The following NUDT3 variants were observed in gnomAD, a reference collection of about 807,000 sequenced individuals.
The protein encoded by NUDT3 is nudix hydrolase 3, also known as diphosphoinositol polyphosphate phosphohydrolase 1.
In NUDT3, 9 loss-of-function variants were observed where a neutral mutation model predicts 23.6. That is an observed-to-expected ratio of 0.38 (90% CI 0.23 to 0.66). NUDT3 has a LOEUF of 0.66. Among genes scored for constraint, NUDT3 ranks in the 30% least tolerant of loss-of-function variants. NUDT3 has a pLI of 0.52. For missense variants in NUDT3, 172 were observed against 218.5 expected (o/e 0.79, Z 1.34); for synonymous variants, 86 against 82.6 (o/e 1.04, Z -0.22).
intron 1 of NUDT3, among the ~76,000 whole-genome samples, chr6:34,372,810 A>AAT (rs1197313729): frequency 3.3e-5 from 5 of 151,752 alleles, no homozygotes; most frequent in Admixed American, 6.6e-5. Flanking sequence ...ATCTTTAAAA[A>AAT]ATATATATAT....
chr6:34,304,967 C>T (rs1237424762), intron 2 of NUDT3, among the ~76,000 whole-genome samples: 1 of 147,524 alleles, frequency 6.8e-6, no homozygotes, highest in East Asian at 2.0e-4. Context: ...CCACTGTGCC[C>T]GGTCTGAATT....
chr6:34,354,749 A>ATATTTATT (rs1554155667), intron 1 of NUDT3, among the ~76,000 whole-genome samples: 1 of 144,540 alleles, frequency 6.9e-6, no homozygotes, highest in African/African-American at 2.5e-5. Flanking sequence ...ATATATATAT[A>ATATTTATT]TATTTATTTA....
intron 2 of NUDT3, among the ~76,000 whole-genome samples, chr6:34,328,531 T>C (rs922185725): frequency 6.6e-6 from 1 of 152,164 alleles, no homozygotes; most frequent in African/African-American, 2.4e-5. Flanking sequence ...CTGTGTATAC[T>C]TTTTTTGTTG....
At chr6:34,321,139 T>C (rs1290602130) in intron 2 of NUDT3, among the ~76,000 whole-genome samples, 1 of 151,906 alleles carries the variant, frequency 6.6e-6, no homozygotes, top group Non-Finnish European at 1.5e-5. Context: ...CTTAAGGTTA[T>C]AATATGTGTT....
rs1561915113 is a variant in NUDT3, at chr6:34,351,215, A to AAAAAAAAACCAAAAAAAAAAAACC, written c.100-9244_100-9243insGGTTTTTTTTTTTTGGTTTTTTTT. On this transcript the variant is annotated intron_variant, in intron 1 of 4. Coordinates refer to ENST00000607016, the MANE Select transcript of NUDT3 (RefSeq NM_006703.4). ...CCCCTGCCTAAAAAAAAAAAAAAAA[A>AAAAAAAAACCAAAAAAAAAAAACC]AAAAAAAAAAACACTTTGGGAGGCC... Among the ~76,000 whole-genome samples the AAAAAAAAACCAAAAAAAAAAAACC allele has an allele frequency of 1.4e-4, 19 of 136,972 alleles. No individual in the cohort carries two copies. The East Asian group carries it at 3.8e-3, about 27-fold the overall frequency. 89.9% of individuals were successfully genotyped at this position (136,972 alleles called of 152,430 possible). A position where few individuals can be genotyped will look rare whatever the true frequency, so the allele number is the denominator to read the frequency against.
intron 2 of NUDT3, among the ~76,000 whole-genome samples, chr6:34,321,721 G>A (rs141012096): frequency 1.2e-3 from 187 of 152,146 alleles, no homozygotes; most frequent in African/African-American, 4.1e-3. Context: ...TCACCAAGGC[G>A]CCCAGGTACT....
chr6:34,288,970 A>G (rs1763376158), intron 4 of NUDT3, 39 bp from the exon 5 acceptor site: 5 of 1,544,370 alleles, frequency 3.2e-6, no homozygotes, highest in African/African-American at 2.8e-5. Flanking sequence ...TACAAGAGTA[A>G]TAAGGTTTCT....
chr6:34,290,157 G>A (rs147745897), intron 4 of NUDT3, among the ~76,000 whole-genome samples: 2 of 152,214 alleles, frequency 1.3e-5, no homozygotes, highest in East Asian at 3.9e-4. Flanking sequence ...GTAACTGGCT[G>A]CTAAAAGAAT....
intron 2 of NUDT3, among the ~76,000 whole-genome samples, chr6:34,303,732 T>C (rs537571878): frequency 6.6e-6 from 1 of 152,300 alleles, no homozygotes; most frequent in African/African-American, 2.4e-5. Context: ...TTACTGTTCT[T>C]TTCTAGTTTA....
chr6:34,373,833 C>T lies in NUDT3; in HGVS notation c.99+18431G>A, dbSNP rs114018867. On this transcript the variant is annotated intron_variant, in intron 1 of 4. Transcript: ENST00000607016. ...CCACCTGTTTTTGTTCTTTTAAATA[C>T]TGGTACTGGGAGTCTGTTTTAGAAA... 1.6e-3 allele frequency among the ~76,000 whole-genome samples: 237 copies of T among 152,226 alleles called. 1 individual carries two copies. Among genetic ancestry groups the T allele is most frequent in the African/African-American group, 5.3e-3 (222 of 41,530 alleles).
At chr6:34,372,570 C>T (rs1452803776) in intron 1 of NUDT3, among the ~76,000 whole-genome samples, 1 of 151,976 alleles carries the variant, frequency 6.6e-6, no homozygotes, top group East Asian at 2.0e-4. Flanking sequence ...TTTGAGAGGC[C>T]AAGGTGGGGA....
intron 1 of NUDT3, among the ~76,000 whole-genome samples, chr6:34,357,620 A>G (rs959842048): frequency 7.1e-6 from 1 of 140,716 alleles, no homozygotes; most frequent in East Asian, 2.4e-4. Flanking sequence ...TATCCCCTGC[A>G]CCCTGCAAAA....
At chr6:34,357,065 C>A (rs1189734824) in intron 1 of NUDT3, among the ~76,000 whole-genome samples, 2 of 152,182 alleles carry the variant, frequency 1.3e-5, no homozygotes, top group Non-Finnish European at 2.9e-5. Context: ...GCGTGAACCA[C>A]CACGCCCGGC....
At position 34,392,341 on chromosome 6, in the gene NUDT3, G is replaced by C; in HGVS notation, c.22C>G (p.Gln8Glu). The stretch of plus-strand genomic sequence containing the variant: ...CCGTCGCCGTCGTAGGTGCGGGTCT[G>C]GTTCGACTTGAGCTTCATCATCCTC... MMKLKSN[Q>E]TRTYDGDGYK... Residue 8 changes from glutamine to glutamate, a missense_variant, in exon 1 of 5, where the codon CAG becomes GAG. Gln to Glu is a conservative substitution (Grantham distance 29, BLOSUM62 2). Around this residue, in one of 3 missense-constraint regions of NUDT3, gnomAD observed 50 missense variants for 46.2 expected, o/e 1.08. Transcript: ENST00000607016. The C allele has an allele frequency of 6.2e-7, 1 of 1,605,246 alleles. No individual in the cohort carries two copies.
chr6:34,326,238 T>C (rs1467336172), intron 2 of NUDT3, among the ~76,000 whole-genome samples: 1 of 152,246 alleles, frequency 6.6e-6, no homozygotes, highest in East Asian at 1.9e-4. Flanking sequence ...AGAATTTACA[T>C]CTAGATAATT....
intron 1 of NUDT3, among the ~76,000 whole-genome samples, chr6:34,385,246 A>C (rs997178138): frequency 1.3e-5 from 2 of 152,086 alleles, no homozygotes; most frequent in Non-Finnish European, 2.9e-5. Flanking sequence ...CACTTGAGCC[A>C]GGAGTTCCAG....
rs1045294230 is a variant in NUDT3 at position 34,350,973 on chromosome 6, T to C, written c.100-9001A>G. On this transcript the variant is annotated intron_variant, in intron 1 of 4. Coordinates refer to ENST00000607016, the MANE Select transcript of NUDT3 (RefSeq NM_006703.4). ...CCACAGATACAAACTATTACACAGA[T>C]ATCGGCGCCAGGCGCAGTGGCTCAC... Among the ~76,000 whole-genome samples the C allele has an allele frequency of 4.7e-5, 7 of 150,040 alleles. 2 individuals carry two copies. The highest frequency in any genetic ancestry group is 1.5e-4 in the African/African-American group (6 of 40,146).
intron 1 of NUDT3, among the ~76,000 whole-genome samples, chr6:34,346,880 C>T (rs534789778): frequency 1.2e-4 from 19 of 152,286 alleles, no homozygotes; most frequent in South Asian, 2.1e-4. Context: ...TTCAGCCTCC[C>T]GAGTAGCTGG....
rs147433196 is a variant in NUDT3 at position 34,336,344 on chromosome 6, G to A, written c.210+5518C>T. Reference sequence around the variant, plus strand: ...AGGGGTGTTGCTGCTCCTAATCCCTGCCTTGTTCAATGTATTTTTTGGCCA... The same window carrying A: ...AGGGGTGTTGCTGCTCCTAATCCCTACCTTGTTCAATGTATTTTTTGGCCA... On this transcript the variant is annotated intron_variant, in intron 2 of 4. Transcript: ENST00000607016. 3.3e-4 allele frequency among the ~76,000 whole-genome samples: 50 copies of A among 152,166 alleles called. No homozygotes were observed. In the East Asian group the frequency reaches 9.3e-3, roughly 28 times the overall value.
Sources: gnomAD v4.1 joint callset for allele counts (sites outside exome capture counted in the v4.1 genomes callset) on GRCh38, gnomAD v4.1.1 for gene constraint, gnomAD v4.1.1 regional missense constraint, MANE v1.5 for transcripts, NCBI Gene and HGNC (gene_info 2026-07-23, HGNC 2026-07-21) for gene names.